Variants in GRM7 observed in about 807,000 individuals in gnomAD.
GRM7 encodes metabotropic glutamate receptor 7.
Under a neutral mutation model 84.5 loss-of-function variants are expected in GRM7, and 35 were observed. The observed-to-expected ratio is 0.41, with a 90% confidence interval of 0.32 to 0.55. The LOEUF (loss-of-function observed/expected upper bound fraction) is 0.55. GRM7 is among the 20% of genes least tolerant of loss of function. GRM7 has a pLI of 0.19. For synonymous variants in GRM7, 487 were observed against 455.1 expected, an observed-to-expected ratio of 1.07 and a Z score of -0.89; for missense variants, 1,003 against 1,194.6, an observed-to-expected ratio of 0.84 and a Z score of 2.36.
chr3:6,973,988 G>A (rs1306442058), intron 1 of GRM7, among the ~76,000 whole-genome samples: 1 of 152,210 alleles, frequency 6.6e-6, no homozygotes, highest in East Asian at 1.9e-4. Context: ...CAGTTACCCA[G>A]CTCCTATAAA....
At chr3:7,596,022 C>T (rs76534843) in intron 8 of GRM7, among the ~76,000 whole-genome samples, 3,126 of 152,204 alleles carry the variant, frequency 0.021, 96 homozygotes, top group East Asian at 0.098. Context: ...GAAGATAAGC[C>T]AGGGCACTGT....
rs897054382 is a variant in GRM7 at position 7,610,809 on chromosome 3, C to T, written c.2451+31452C>T. Among the ~76,000 whole-genome samples, 3 of 152,258 alleles carry T rather than the reference C, an allele frequency of 2.0e-5. 1 individual carries two copies. Among genetic ancestry groups the T allele is most frequent in the South Asian group, 4.1e-4 (2 of 4,826 alleles). Reference sequence around the variant, plus strand: ...TGTTTGTTTTTAGTTTTGGTTTTCCCGTAGTCATCACACTATGCACTGGAG... The same window carrying T: ...TGTTTGTTTTTAGTTTTGGTTTTCCTGTAGTCATCACACTATGCACTGGAG... On this transcript the variant is annotated intron_variant, in intron 8 of 9. Transcript: ENST00000357716.
chr3:7,229,767 T>A (rs1374611916), intron 2 of GRM7, among the ~76,000 whole-genome samples: 32 of 76,138 alleles, frequency 4.2e-4, no homozygotes, highest in East Asian at 6.5e-4. Context: ...ATATTTTTTT[T>A]TTTTTTTGGT....
chr3:7,396,610 T>C (rs1180415453), intron 4 of GRM7, among the ~76,000 whole-genome samples: 1 of 152,162 alleles, frequency 6.6e-6, no homozygotes, highest in Non-Finnish European at 1.5e-5. Context: ...GCAATTTTTC[T>C]CTTCTTTGTA....
At chr3:7,075,117 C>T (rs1698018518) in intron 1 of GRM7, among the ~76,000 whole-genome samples, 1 of 152,028 alleles carries the variant, frequency 6.6e-6, no homozygotes, top group South Asian at 2.1e-4. Context: ...GGGATTTATG[C>T]AAAAAAGAAT....
At chr3:7,156,240 G>A (rs1413612416) in intron 2 of GRM7, among the ~76,000 whole-genome samples, 5 of 152,148 alleles carry the variant, frequency 3.3e-5, no homozygotes, top group Admixed American at 6.6e-5. Flanking sequence ...AAAGCCATGG[G>A]GCAAAGTACA....
At chr3:7,564,662 T>C (rs1048750906) in intron 7 of GRM7, among the ~76,000 whole-genome samples, 6 of 152,182 alleles carry the variant, frequency 3.9e-5, no homozygotes, top group African/African-American at 1.4e-4. Flanking sequence ...TATATATTTT[T>C]AAATTAATCG....
intron 1 of GRM7, among the ~76,000 whole-genome samples, chr3:7,133,978 T>A (rs1011875762): frequency 2.0e-5 from 3 of 152,162 alleles, no homozygotes; most frequent in African/African-American, 7.2e-5. Flanking sequence ...AATCTACAGA[T>A]GATCTCAGAA....
intron 1 of GRM7, among the ~76,000 whole-genome samples, chr3:6,990,700 T>A (rs528573863): frequency 7.2e-5 from 11 of 152,224 alleles, no homozygotes; most frequent in Non-Finnish European, 1.5e-4. Flanking sequence ...TACCTCATTC[T>A]CTTCATGATC....
At chr3:7,173,343 C>G (rs907574141) in intron 2 of GRM7, among the ~76,000 whole-genome samples, 4 of 152,168 alleles carry the variant, frequency 2.6e-5, no homozygotes, top group African/African-American at 9.7e-5. Flanking sequence ...TAATGTCTCA[C>G]AGGGACATCA....
chr3:6,947,496 A>T (rs1698133473), intron 1 of GRM7, among the ~76,000 whole-genome samples: 1 of 152,218 alleles, frequency 6.6e-6, no homozygotes. Flanking sequence ...TTCGTCAAGG[A>T]TATTGGTCTA....
chr3:7,394,054 C>A (rs1215805762), intron 4 of GRM7, among the ~76,000 whole-genome samples: 1 of 152,094 alleles, frequency 6.6e-6, no homozygotes, highest in East Asian at 1.9e-4. Flanking sequence ...AAGTCATTAT[C>A]ATTCTTCGCA....
intron 1 of GRM7, among the ~76,000 whole-genome samples, chr3:6,954,527 C>G (rs1010697076): frequency 3.9e-5 from 6 of 152,140 alleles, no homozygotes; most frequent in African/African-American, 1.4e-4. Context: ...TATAAGTTTT[C>G]ACCACCCAGA....
intron 7 of GRM7, among the ~76,000 whole-genome samples, chr3:7,478,222 G>T (rs1210570660): frequency 6.6e-6 from 1 of 152,070 alleles, no homozygotes; most frequent in Non-Finnish European, 1.5e-5. Context: ...TCTTTCTCAT[G>T]CCAACTGGAG....
chr3:7,254,928 C>T (rs1238577263), intron 2 of GRM7, among the ~76,000 whole-genome samples: 1 of 152,188 alleles, frequency 6.6e-6, no homozygotes, highest in East Asian at 1.9e-4. Context: ...TCACTAAGAA[C>T]GGCTTGACTT....
chr3:7,737,182 TGACAA>T (rs1702532337), intron 9 of GRM7, among the ~76,000 whole-genome samples: 1 of 152,206 alleles, frequency 6.6e-6, no homozygotes, highest in Admixed American at 6.5e-5. Flanking sequence ...GTGTTGATTT[TGACAA>T]GACATCAAGA....
At chr3:6,897,604 C>T (rs188527311) in intron 1 of GRM7, among the ~76,000 whole-genome samples, 335 of 152,220 alleles carry the variant, frequency 2.2e-3, no homozygotes, top group African/African-American at 7.6e-3. Context: ...AAACACAGTA[C>T]GTGTTCAATA....
chr3:7,017,717 C>A (rs1467871636), intron 1 of GRM7, among the ~76,000 whole-genome samples: 1 of 150,414 alleles, frequency 6.6e-6, no homozygotes, highest in Non-Finnish European at 1.5e-5. Flanking sequence ...CGCAGTGAAG[C>A]CCCATCCTCA....
intron 1 of GRM7, among the ~76,000 whole-genome samples, chr3:7,045,744 A>G (rs190759637): frequency 6.6e-6 from 1 of 152,208 alleles, no homozygotes; most frequent in Non-Finnish European, 1.5e-5. Context: ...ATAATATTCC[A>G]TTATTTGTGT....
Sources: gnomAD v4.1 joint callset for allele counts (sites outside exome capture counted in the v4.1 genomes callset) on GRCh38, gnomAD v4.1.1 for gene constraint, MANE v1.5 for transcripts, NCBI Gene and HGNC (gene_info 2026-07-23, HGNC 2026-07-21) for gene names.